Variants in TNS3 observed in about 807,000 individuals in gnomAD.
TNS3 encodes the protein tensin-3.
TNS3 carries 45 observed loss-of-function variants against 140.9 expected under a neutral mutation model. The ratio of observed to expected loss-of-function variants is 0.32; its 90% CI spans 0.25 to 0.41. The LOEUF (loss-of-function observed/expected upper bound fraction) is 0.41. TNS3 is among the 10% of genes least tolerant of loss of function. TNS3 has a pLI of 1.00. For synonymous variants in TNS3, 815 were observed against 788.4 expected (o/e 1.03, Z -0.56); for missense variants, 1,716 against 1,906.7 (o/e 0.90, Z 1.86).
chr7:47,543,096 C>G (rs1026664210), intron 1 of TNS3, among the ~76,000 whole-genome samples: 1 of 152,300 alleles, frequency 6.6e-6, no homozygotes, highest in Middle Eastern at 3.4e-3. Context: ...GCAGGAGGCC[C>G]AGACACTGTC....
intron 27 of TNS3, among the ~76,000 whole-genome samples, chr7:47,287,474 T>A (rs1785481323): frequency 6.6e-6 from 1 of 152,212 alleles, no homozygotes; most frequent in Admixed American, 6.5e-5. Flanking sequence ...AGTCTAGGAC[T>A]CTAAGTGAAT....
rs550934792 is a variant in TNS3, at chr7:47,393,081, G to A, written c.1024+3719C>T. 2.0e-5 allele frequency among the ~76,000 whole-genome samples: 3 copies of A among 152,290 alleles called. No individual in the cohort carries two copies. The South Asian group carries it at 6.2e-4, about 32-fold the overall frequency. On this transcript the variant is annotated intron_variant, in intron 16 of 30. Coordinates refer to ENST00000311160, the MANE Select transcript of TNS3 (RefSeq NM_022748.12). ...GATGTGCACAGATGCTAAAGGAGGT[G>A]GGTTAAGTGAAAAACTCAGGCTATA...
intron 12 of TNS3, among the ~76,000 whole-genome samples, chr7:47,413,258 T>C (rs1793885922): frequency 7.6e-6 from 1 of 132,412 alleles, no homozygotes; most frequent in South Asian, 2.6e-4. Context: ...GGCCTTTTTT[T>C]TTTTTTTTTT....
intron 12 of TNS3, among the ~76,000 whole-genome samples, chr7:47,412,306 A>G (rs974372173): frequency 4.6e-5 from 7 of 152,202 alleles, no homozygotes; most frequent in African/African-American, 1.7e-4. Flanking sequence ...AATTTGGGGG[A>G]TGTGTGGCTA....
At chr7:47,396,402 T>C (rs1189656988) in intron 16 of TNS3, among the ~76,000 whole-genome samples, 1 of 152,212 alleles carries the variant, frequency 6.6e-6, no homozygotes, top group Non-Finnish European at 1.5e-5. Flanking sequence ...ACAAGATGTC[T>C]GTTGCATGTG....
At position 47,415,204 on chromosome 7, in the gene TNS3, T is replaced by C. The variant is rs761286636; in HGVS notation, c.476A>G (p.Tyr159Cys). Reference sequence around the variant, plus strand: ...CAGGAGCCCACTGAGGAACTGAACATACCTGCAAAACGGACAGCTGGGTTA... The same window carrying C: ...CAGGAGCCCACTGAGGAACTGAACACACCTGCAAAACGGACAGCTGGGTTA... ...SALMQPSQKR[Y>C]VQFLSGLLSG... is the part of the protein sequence containing the mutation. The change falls in exon 11 of 31, where the codon TAT (tyrosine) becomes TGT (cysteine). Residue 159 changes from tyrosine (Y) to cysteine (C), a missense_variant and splice_region_variant. Transcript: ENST00000311160. 1 of 1,602,498 alleles carries C rather than the reference T, an allele frequency of 6.2e-7. No homozygotes were observed. Among genetic ancestry groups the C allele is most frequent in the Non-Finnish European group, 8.5e-7 (1 of 1,175,070 alleles).
chr7:47,331,493 T>C (rs999563912), intron 20 of TNS3, among the ~76,000 whole-genome samples: 4 of 152,158 alleles, frequency 2.6e-5, no homozygotes, highest in African/African-American at 4.8e-5. Context: ...CCCAATCTCA[T>C]GCTCCTCTGG....
chr7:47,298,458 T>C (rs12702334), intron 23 of TNS3, among the ~76,000 whole-genome samples: 10,282 of 152,350 alleles, frequency 0.067, 473 homozygotes, highest in Middle Eastern at 0.13. Context: ...AACTCGATAC[T>C]GCCCAGACAA....
At chr7:47,542,905 C>T (rs956117407) in intron 1 of TNS3, among the ~76,000 whole-genome samples, 15 of 130,636 alleles carry the variant, frequency 1.1e-4, no homozygotes, top group Admixed American at 9.9e-4. Flanking sequence ...ACTCCAACCA[C>T]GGGGAACAGT....
chr7:47,509,990 A>G (rs1798550690), intron 2 of TNS3, among the ~76,000 whole-genome samples: 1 of 152,244 alleles, frequency 6.6e-6, no homozygotes, highest in Non-Finnish European at 1.5e-5. Flanking sequence ...GGCAGCTAAT[A>G]CACTCAGCAC....
intron 17 of TNS3, among the ~76,000 whole-genome samples, chr7:47,367,168 G>A (rs868362648): frequency 6.6e-6 from 1 of 152,120 alleles, no homozygotes; most frequent in East Asian, 1.9e-4. Flanking sequence ...CCCAGTGCCC[G>A]CAGGCACAGC....
chr7:47,415,202 C>G lies in TNS3; in HGVS notation c.478G>C (p.Val160Leu). The G allele has an allele frequency of 6.2e-7, 1 of 1,603,824 alleles. No homozygotes were observed. The change falls in exon 11 of 31, where the codon GTT becomes CTT. Residue 160 changes from valine (V) to leucine (L), a missense_variant. By Grantham distance (32) the Val-to-Leu change is conservative. Around this residue, in one of 3 missense-constraint regions of TNS3, gnomAD observed 337 missense variants for 428.9 expected, o/e 0.79. Coordinates refer to ENST00000311160, the MANE Select transcript of TNS3 (RefSeq NM_022748.12). ...GACAGGAGCCCACTGAGGAACTGAACATACCTGCAAAACGGACAGCTGGGT... is the reference window on the plus strand; with the variant it reads ...GACAGGAGCCCACTGAGGAACTGAAGATACCTGCAAAACGGACAGCTGGGT... ...ALMQPSQKRY[V>L]QFLSGLLSGS...
chr7:47,501,361 C>T (rs2151863046), intron 3 of TNS3, among the ~76,000 whole-genome samples: 1 of 152,324 alleles, frequency 6.6e-6, no homozygotes. Context: ...ACCTTAAAAG[C>T]TGTGGCAATG....
rs112496139 is a variant in TNS3 at position 47,365,475 on chromosome 7, C to T, written c.2281+2890G>A. On this transcript the variant is annotated intron_variant, in intron 17 of 30. Coordinates refer to ENST00000311160, the MANE Select transcript of TNS3 (RefSeq NM_022748.12). ...AAAAAAAAAAGTGTTCTCAAAGTAA[C>T]GAGTTTGGCTGGGAGCAACGGCTCA... 4.8e-3 allele frequency among the ~76,000 whole-genome samples: 684 copies of T among 141,974 alleles called. 3 individuals are homozygous for T. Among genetic ancestry groups the T allele is most frequent in the African/African-American group, 0.017 (649 of 37,752 alleles). 93.1% of individuals were successfully genotyped at this position (141,974 alleles called of 152,430 possible).
At chr7:47,505,143 G>A (rs1798368007) in intron 3 of TNS3, among the ~76,000 whole-genome samples, 1 of 152,082 alleles carries the variant, frequency 6.6e-6, no homozygotes, top group Admixed American at 6.5e-5. Flanking sequence ...CTCCGCAGCC[G>A]ACCCAAGGTG....
chr7:47,481,753 G>C (rs989681656), intron 3 of TNS3: 1 of 974,128 alleles, frequency 1.0e-6, no homozygotes, highest in Non-Finnish European at 1.2e-6. Flanking sequence ...AGAAAGTAAC[G>C]GAGGCAAGGT....
At chr7:47,324,658 C>T (rs1185605407) in intron 20 of TNS3, among the ~76,000 whole-genome samples, 1 of 152,082 alleles carries the variant, frequency 6.6e-6, no homozygotes, top group South Asian at 2.1e-4. Flanking sequence ...AGGCTGAGGC[C>T]AGAGAATCAC....
intron 4 of TNS3, among the ~76,000 whole-genome samples, chr7:47,445,201 C>G (rs1584676547): frequency 1.3e-5 from 2 of 152,226 alleles, no homozygotes; most frequent in Non-Finnish European, 1.5e-5. Context: ...CCGCATCTGT[C>G]CACCTCATGC....
At chr7:47,424,040 A>G in intron 10 of TNS3, 61 bp downstream of exon 10, 4 of 1,548,118 alleles carry the variant, frequency 2.6e-6, no homozygotes, top group Non-Finnish European at 3.6e-6. Context: ...TTCTGTTTTC[A>G]CATTTTTATA....
Sources: allele counts gnomAD v4.1 joint callset (sites outside exome capture counted in the v4.1 genomes callset), GRCh38; gene constraint gnomAD v4.1.1; regional missense constraint gnomAD v4.1.1; transcripts MANE v1.5; gene names NCBI Gene and HGNC (gene_info 2026-07-23, HGNC 2026-07-21).